Variants in CCDC126 observed in about 807,000 individuals in gnomAD.
CCDC126 encodes coiled-coil domain containing 126, also known as coiled-coil domain-containing protein 126.
Under a neutral mutation model 11.7 loss-of-function variants are expected in CCDC126, and 5 were observed. That is an observed-to-expected ratio of 0.43 (90% CI 0.22 to 0.90). The LOEUF (loss-of-function observed/expected upper bound fraction) is 0.90, where lower values mean the gene tolerates loss of function less well. Ranked by LOEUF, CCDC126 falls within the 40% of genes least tolerant of loss-of-function variation. The pLI is 0.27. For missense variants in CCDC126, 150 were observed against 163.1 expected (o/e 0.92, Z 0.44); for synonymous variants, 60 against 61.9 (o/e 0.97, Z 0.14).
At chr7:23,619,871 G>C (rs1308372134) in intron 3 of CCDC126, among the ~76,000 whole-genome samples, 1 of 151,532 alleles carries the variant, frequency 6.6e-6, no homozygotes, top group Admixed American at 6.6e-5. Context: ...TGAGAATGAT[G>C]GTTTCCAGCT....
Position 23,606,927 on chromosome 7 carries a change from TA to T in CCDC126, c.-145-4232del, listed in dbSNP as rs1325816644. 4.6e-3 allele frequency among the ~76,000 whole-genome samples: 655 copies of T among 141,566 alleles called. 2 individuals carry two copies. The highest frequency in any genetic ancestry group is 0.012 in the African/African-American group (452 of 38,758). 92.9% of individuals were successfully genotyped at this position (141,566 alleles called of 152,430 possible). A position where few individuals can be genotyped will look rare whatever the true frequency, so the allele number is the denominator to read the frequency against. On this transcript the variant is annotated intron_variant, in intron 2 of 3. Coordinates refer to ENST00000307471, the MANE Select transcript of CCDC126 (RefSeq NM_138771.4). The stretch of plus-strand genomic sequence containing the variant: ...ACTGGGCAACGTAATGAGACCCCTC[TA>T]AAAAAAAAAAAGTACAAAAATTAGC...
chr7:23,642,670 C>A (rs569912961), intron 3 of CCDC126, among the ~76,000 whole-genome samples: 1 of 150,994 alleles, frequency 6.6e-6, no homozygotes, highest in East Asian at 2.0e-4. Flanking sequence ...GGCTGAGGCA[C>A]GAGAATCGCT....
At chr7:23,620,762 G>T (rs1292237824) in intron 3 of CCDC126, among the ~76,000 whole-genome samples, 1 of 152,176 alleles carries the variant, frequency 6.6e-6, no homozygotes, top group Non-Finnish European at 1.5e-5. Context: ...TGTATAAAGT[G>T]TAAGGAAGGG....
chr7:23,627,424 G>C (rs747715101), intron 3 of CCDC126, among the ~76,000 whole-genome samples: 3 of 151,956 alleles, frequency 2.0e-5, no homozygotes, highest in Non-Finnish European at 4.4e-5. Flanking sequence ...TGGATCACTT[G>C]AGGTAGGCAG....
chr7:23,603,724 C>T (rs533919691), intron 2 of CCDC126, among the ~76,000 whole-genome samples: 4 of 152,260 alleles, frequency 2.6e-5, no homozygotes, highest in African/African-American at 9.6e-5. Context: ...TCCTCTACCC[C>T]AAAACTCATT....
intron 3 of CCDC126, among the ~76,000 whole-genome samples, chr7:23,640,255 T>C (rs1032949279): frequency 6.6e-6 from 1 of 151,712 alleles, no homozygotes; most frequent in South Asian, 2.1e-4. Context: ...CCCAGCACTT[T>C]GGGAGGCCGA....
rs1271237042 is a variant in CCDC126 at position 23,642,774 on chromosome 7, A to G, written c.239-157A>G. On this transcript the variant is annotated intron_variant, in intron 3 of 3. Coordinates refer to ENST00000307471, the MANE Select transcript of CCDC126 (RefSeq NM_138771.4). Reference sequence around the variant, plus strand: ...GGAAACTCCATCTCAAAAAAAAAAAAAAATTAGGCTTTTCCTATTTGTAGT... The same window carrying G: ...GGAAACTCCATCTCAAAAAAAAAAAGAAATTAGGCTTTTCCTATTTGTAGT... Among the ~76,000 whole-genome samples, 3 of 152,114 alleles carry G rather than the reference A, an allele frequency of 2.0e-5. No individual in the cohort carries two copies. The East Asian group carries it at 5.8e-4, about 29-fold the overall frequency.
At chr7:23,622,744 C>T (rs1272299716) in intron 3 of CCDC126, 2 of 519,368 alleles carry the variant, frequency 3.9e-6, no homozygotes, top group Admixed American at 2.0e-5. Flanking sequence ...CTTAAGATTC[C>T]TGGAGTTCCT....
rs1783386262 is a variant in CCDC126, at chr7:23,642,791, A to G, written c.239-140A>G. 7 of 619,168 alleles carry G rather than the reference A, an allele frequency of 1.1e-5. No individual in the cohort carries two copies. The Admixed American group carries it at 1.4e-4, about 12-fold the overall frequency. The allele number at this position is 619,168 out of a possible 1,614,324, so 38.4% of individuals were successfully genotyped here. On this transcript the variant is annotated intron_variant, in intron 3 of 3. Transcript: ENST00000307471. ...AAAAAAAAAAAATTAGGCTTTTCCT[A>G]TTTGTAGTATGAGTGCATTCTCTCT...
chr7:23,612,624 G>C (rs1375984909), intron 3 of CCDC126, among the ~76,000 whole-genome samples: 6 of 151,772 alleles, frequency 4.0e-5, no homozygotes, highest in African/African-American at 1.5e-4. Context: ...AGTGAGCCAT[G>C]TCTGCACCAC....
intron 3 of CCDC126, among the ~76,000 whole-genome samples, chr7:23,617,377 AAAGG>A (rs1010975703): frequency 6.6e-6 from 1 of 151,176 alleles, no homozygotes; most frequent in African/African-American, 2.4e-5. Context: ...AAAAAAAAGA[AAAGG>A]AAAAAAAAAG....
intron 3 of CCDC126, among the ~76,000 whole-genome samples, chr7:23,621,103 C>G (rs1320045465): frequency 2.2e-4 from 33 of 152,174 alleles, no homozygotes; most frequent in Admixed American, 1.9e-3. Context: ...TAGTTTTTTC[C>G]AATTCTGTGA....
intron 3 of CCDC126, among the ~76,000 whole-genome samples, chr7:23,620,217 A>G (rs1012980160): frequency 2.0e-5 from 3 of 152,048 alleles, no homozygotes; most frequent in East Asian, 1.9e-4. Context: ...AAGTGTTCCT[A>G]TTTCTCCACA....
chr7:23,612,490 A>C (rs1202524201), intron 3 of CCDC126, among the ~76,000 whole-genome samples: 1 of 150,148 alleles, frequency 6.7e-6, no homozygotes, highest in African/African-American at 2.4e-5. Context: ...AAAAAAAAAA[A>C]AAAAAAAAAA....
At chr7:23,632,828 G>A (rs1014005368) in intron 3 of CCDC126, among the ~76,000 whole-genome samples, 1 of 152,202 alleles carries the variant, frequency 6.6e-6, no homozygotes, top group African/African-American at 2.4e-5. Context: ...TGATTTTGAT[G>A]TAGATATTTA....
chr7:23,615,476 G>A (rs1562492558), intron 3 of CCDC126, among the ~76,000 whole-genome samples: 2 of 152,218 alleles, frequency 1.3e-5, no homozygotes, highest in Non-Finnish European at 2.9e-5. Flanking sequence ...GTTCCCTGGA[G>A]TAGCACTTTT....
chr7:23,623,585 G>C (rs537418876), intron 3 of CCDC126, among the ~76,000 whole-genome samples: 118 of 127,246 alleles, frequency 9.3e-4, no homozygotes, highest in African/African-American at 3.3e-3. Context: ...GACAGAGTGA[G>C]ACTGTCTCAA....
intron 2 of CCDC126, among the ~76,000 whole-genome samples, chr7:23,600,171 A>G (rs1782511713): frequency 6.6e-6 from 1 of 151,978 alleles, no homozygotes; most frequent in African/African-American, 2.4e-5. Context: ...GCCTCACTTT[A>G]CCATTTTTCT....
intron 3 of CCDC126, among the ~76,000 whole-genome samples, chr7:23,636,929 G>T (rs1346687720): frequency 1.5e-5 from 1 of 68,034 alleles, no homozygotes; most frequent in East Asian, 3.9e-4. Context: ...CCGGCCAGCT[G>T]CCCAGTCCGG....
Sources: gnomAD v4.1 joint callset for allele counts (sites outside exome capture counted in the v4.1 genomes callset) on GRCh38, gnomAD v4.1.1 for gene constraint, MANE v1.5 for transcripts, NCBI Gene and HGNC (gene_info 2026-07-23, HGNC 2026-07-21) for gene names.